FREM1: variants seen among roughly 807,000 people sequenced by gnomAD.
The protein encoded by FREM1 is FRAS1-related extracellular matrix protein 1.
FREM1 carries 220 observed loss-of-function variants against 210.1 expected under a neutral mutation model. That is an observed-to-expected ratio of 1.05 (90% CI 0.94 to 1.17). The LOEUF is 1.17. FREM1 is among the 50% of genes most tolerant of loss of function. The pLI is 0.00. For synonymous variants in FREM1, 1,189 were observed against 980.2 expected (o/e 1.21, Z -3.98); for missense variants, 3,454 against 2,675.5 (o/e 1.29, Z -6.42).
chr9:14,839,098 T>C (rs1825168499), intron 10 of FREM1, among the ~76,000 whole-genome samples: 2 of 152,200 alleles, frequency 1.3e-5, no homozygotes, highest in African/African-American at 4.8e-5. Context: ...ATTTGGTTAA[T>C]CACCTCTATT....
intron 6 of FREM1, 31 bp from the exon 7 acceptor site, chr9:14,848,804 C>A (rs146629480): frequency 5.2e-6 from 7 of 1,340,962 alleles, no homozygotes; most frequent in Non-Finnish European, 6.4e-6. Flanking sequence ...AGGAGCCACA[C>A]ACTGAAGCGT....
intron 25 of FREM1, among the ~76,000 whole-genome samples, 184 bp from the exon 26 acceptor site, chr9:14,770,990 G>C (rs1847464762): frequency 6.6e-6 from 1 of 152,076 alleles, no homozygotes; most frequent in Non-Finnish European, 1.5e-5. Context: ...ACAGTGCTTG[G>C]AACAGAGGCC....
intron 10 of FREM1, among the ~76,000 whole-genome samples, chr9:14,837,273 C>G (rs1440823036): frequency 6.6e-6 from 1 of 152,176 alleles, no homozygotes; most frequent in Non-Finnish European, 1.5e-5. Context: ...ACCACCTCCT[C>G]CAGCCTCTGC....
rs1172241569 is a variant in FREM1, at chr9:14,824,035, G to T, written c.2159C>A (p.Ser720Ter). 1.3e-6 allele frequency: 2 copies of T among 1,588,254 alleles called. No individual in the cohort carries two copies. Among genetic ancestry groups the T allele is most frequent in the Non-Finnish European group, 1.7e-6 (2 of 1,164,590 alleles). ...VKNPTALELRSFTQHAVNYMK... is the reference protein window; with the variant it reads ...VKNPTALELR The stretch of plus-strand genomic sequence containing the variant: ...AGCATATCCTCATACCTGAGTGAAT[G>T]ACCTCAGCTCCAGGGCCGTAGGATT... Residue 720 changes from serine (S) to a stop codon, truncating the protein, a stop_gained, in exon 12 of 37, where the codon TCA becomes TAA. Coordinates refer to ENST00000380880, the MANE Select transcript of FREM1 (RefSeq NM_001379081.2). LOFTEE classifies it high-confidence loss of function.
rs1472756013 is a variant in FREM1, at chr9:14,748,566, C to T, written c.5631G>A (p.Leu1877=). The T allele has an allele frequency of 6.2e-7, 1 of 1,613,896 alleles. No individual in the cohort carries two copies. Among genetic ancestry groups the T allele is most frequent in the Non-Finnish European group, 8.5e-7 (1 of 1,179,828 alleles). The change falls in exon 31 of 37, where the codon CTG becomes CTA. Residue 1877 remains leucine, a synonymous_variant. Coordinates refer to ENST00000380880, the MANE Select transcript of FREM1 (RefSeq NM_001379081.2). The part of the protein sequence containing the change: ...STWEKGIWHL[L]PPGSSSSTTS... The stretch of plus-strand genomic sequence containing the variant: ...TGGTGGATGAGGAAGACCCTGGGGG[C>T]AGCAGATGCCAAATGCCCTTCTCCC...
Position 14,825,868 on chromosome 9 carries a change from T to G in FREM1, c.1882-876A>C, listed in dbSNP as rs113690139. On this transcript the variant is annotated intron_variant, in intron 10 of 36. Transcript: ENST00000380880. ...ATTCCCATTGCTACTGGCCTACCTTTCATAATTTCATCCTTACATTATTGC... is the reference window on the plus strand; with the variant it reads ...ATTCCCATTGCTACTGGCCTACCTTGCATAATTTCATCCTTACATTATTGC... Among the ~76,000 whole-genome samples, 109 of 152,128 alleles carry G rather than the reference T, an allele frequency of 7.2e-4. No homozygotes were observed. The Middle Eastern group carries it at 0.01, about 14-fold the overall frequency.
intron 24 of FREM1, chr9:14,782,232 G>A (rs1849750828): frequency 3.0e-6 from 1 of 333,724 alleles, no homozygotes; most frequent in Admixed American, 6.5e-5. Context: ...CAGAAATGTA[G>A]AAATTCCTGG....
chr9:14,744,813 C>T (rs531511403), intron 35 of FREM1, among the ~76,000 whole-genome samples: 1 of 152,210 alleles, frequency 6.6e-6, no homozygotes, highest in African/African-American at 2.4e-5. Flanking sequence ...TTATAAGAAA[C>T]TGTAAGACAG....
At chr9:14,860,652 T>TACACATATATACATATATAC (rs1829761140) in intron 3 of FREM1, among the ~76,000 whole-genome samples, 1 of 141,534 alleles carries the variant, frequency 7.1e-6, no homozygotes, top group Non-Finnish European at 1.5e-5. Context: ...TATACATATA[T>TACACATATATACATATATAC]ACACATATAT....
chr9:14,901,309 AG>A (rs772679703), intron 1 of FREM1, among the ~76,000 whole-genome samples: 1 of 152,200 alleles, frequency 6.6e-6, no homozygotes, highest in Non-Finnish European at 1.5e-5. Flanking sequence ...GTAAATTAAA[AG>A]TCTCTCAAAT....
chr9:14,820,447 T>C (rs1014900025), intron 13 of FREM1, among the ~76,000 whole-genome samples: 5 of 152,144 alleles, frequency 3.3e-5, no homozygotes, highest in African/African-American at 1.2e-4. Context: ...GAGCAGCTGC[T>C]GGTCCCAGCA....
At chr9:14,835,668 C>T (rs746081205) in intron 10 of FREM1, among the ~76,000 whole-genome samples, 7 of 152,162 alleles carry the variant, frequency 4.6e-5, no homozygotes, top group Non-Finnish European at 1.0e-4. Flanking sequence ...TGGCTGGGCT[C>T]GGCTTTAAAA....
chr9:14,839,861 T>C (rs1825330645), intron 10 of FREM1, among the ~76,000 whole-genome samples: 1 of 152,244 alleles, frequency 6.6e-6, no homozygotes, highest in South Asian at 2.1e-4. Flanking sequence ...AAGTAAATCC[T>C]ATTAACTGTT....
intron 23 of FREM1, among the ~76,000 whole-genome samples, chr9:14,787,260 G>A (rs1850564717): frequency 6.8e-6 from 1 of 147,420 alleles, no homozygotes; most frequent in Admixed American, 6.8e-5. Flanking sequence ...CTCATGTTAA[G>A]TAAAACAAAA....
intron 16 of FREM1, among the ~76,000 whole-genome samples, chr9:14,810,435 G>A (rs530879541): frequency 1.3e-5 from 2 of 152,084 alleles, no homozygotes; most frequent in Non-Finnish European, 2.9e-5. Context: ...ACTTAAAAAT[G>A]TTAATCATAG....
In FREM1 at chr9:14,825,064, C is replaced by G. The variant is rs893634905; in HGVS notation, c.1882-72G>C. 6 of 980,594 alleles carry G rather than the reference C, an allele frequency of 6.1e-6. No homozygotes were observed. In the South Asian group the frequency reaches 8.2e-5, roughly 13 times the overall value. The allele number at this position is 980,594 out of a possible 1,614,324, so 60.7% of individuals were successfully genotyped here. ...AACAAAGAAAATGCCCCACAATCAC[C>G]TAGTCACAGTTAAGATAATTTCTAA... is the stretch of plus-strand genomic sequence containing the variant. On this transcript the variant is annotated intron_variant, in intron 10 of 36. Transcript: ENST00000380880.
Position 14,790,236 on chromosome 9 carries a change from C to CA in FREM1, c.3982-1123dup, listed in dbSNP as rs557274368. Among the ~76,000 whole-genome samples the CA allele has an allele frequency of 1.4e-3, 216 of 152,188 alleles. 2 individuals carry two copies. The highest frequency in any genetic ancestry group is 3.9e-3 in the Admixed American group (59 of 15,274). ...GATTCCACAGACTCCCAGTTCCTGG[C>CA]AAAAGAGCTTTGTCCTCCTCTCTTG... On this transcript the variant is annotated intron_variant, in intron 22 of 36. Transcript: ENST00000380880.
rs71323912 is a variant in FREM1 at position 14,791,820 on chromosome 9, G to GTTTGTTTTGTTTTGT, written c.3981+908_3981+922dup. Among the ~76,000 whole-genome samples, 130 of 150,352 alleles carry GTTTGTTTTGTTTTGT rather than the reference G, an allele frequency of 8.6e-4. 2 individuals carry two copies. In the East Asian group the frequency reaches 0.013, roughly 15 times the overall value. On this transcript the variant is annotated intron_variant, in intron 22 of 36. Coordinates refer to ENST00000380880, the MANE Select transcript of FREM1 (RefSeq NM_001379081.2). ...AGGAGGTGATAATACTCAGATAATG[G>GTTTGTTTTGTTTTGT]TTTGTTTTGTTTTGTTTTGTTTTGT...
intron 8 of FREM1, among the ~76,000 whole-genome samples, chr9:14,843,491 ATAGATAGG>A (rs911581725): frequency 3.8e-4 from 32 of 84,636 alleles, no homozygotes; most frequent in East Asian, 1.4e-3. Flanking sequence ...CACCTCATAG[ATAGATAGG>A]TAGGTAGGTA....
Sources: allele counts gnomAD v4.1 joint callset (sites outside exome capture counted in the v4.1 genomes callset), GRCh38; gene constraint gnomAD v4.1.1; transcripts MANE v1.5; gene names NCBI Gene and HGNC (gene_info 2026-07-23, HGNC 2026-07-21).